The following SGO2 variants were observed in gnomAD, a reference collection of about 807,000 sequenced individuals.
The protein encoded by SGO2 is shugoshin-like 2.
In SGO2, 68 loss-of-function variants were observed where a neutral mutation model predicts 99.5. That is an observed-to-expected ratio of 0.68 (90% CI 0.56 to 0.84). The LOEUF is 0.84. Ranked by LOEUF, SGO2 falls within the 40% of genes least tolerant of loss-of-function variation. The probability of loss-of-function intolerance (pLI) is 0.00; values close to 1 mark genes in which losing one functional copy is unlikely to be tolerated. For synonymous variants in SGO2, 457 were observed against 487.1 expected, an observed-to-expected ratio of 0.94 and a Z score of 0.81; for missense variants, 1,350 against 1,436.7, an observed-to-expected ratio of 0.94 and a Z score of 0.97.
intron 5 of SGO2, among the ~76,000 whole-genome samples, chr2:200,550,359 T>G (rs1377091061): frequency 6.6e-6 from 1 of 152,066 alleles, no homozygotes; most frequent in Non-Finnish European, 1.5e-5. Context: ...TCCTAAAAAT[T>G]TATATGAACC....
chr2:200,557,404 T>C (rs2032762896), intron 5 of SGO2, among the ~76,000 whole-genome samples: 1 of 152,082 alleles, frequency 6.6e-6, no homozygotes. Flanking sequence ...AGTTGGCCAA[T>C]TGGTGCTGCA....
chr2:200,549,724 AT>A (rs749552185), intron 5 of SGO2, among the ~76,000 whole-genome samples: 165 of 152,330 alleles, frequency 1.1e-3, no homozygotes, highest in Admixed American at 2.6e-3. Context: ...AAAAACACTT[AT>A]CAAAATGGGT....
intron 8 of SGO2, among the ~76,000 whole-genome samples, chr2:200,579,995 C>A (rs1427135197): frequency 6.6e-6 from 1 of 151,876 alleles, no homozygotes; most frequent in Non-Finnish European, 1.5e-5. Flanking sequence ...AACAGTGGGA[C>A]TCTCTGGTTT....
chr2:200,549,313 C>T (rs1222462461), intron 5 of SGO2, among the ~76,000 whole-genome samples: 6 of 152,096 alleles, frequency 3.9e-5, no homozygotes, highest in Non-Finnish European at 7.4e-5. Context: ...TTGATGGATT[C>T]GCTGCTGAAT....
intron 5 of SGO2, among the ~76,000 whole-genome samples, chr2:200,562,274 T>C (rs1225626176): frequency 2.0e-5 from 3 of 152,332 alleles, no homozygotes; most frequent in South Asian, 4.1e-4. Flanking sequence ...TTTCTACATA[T>C]GGCTAGCCAG....
chr2:200,532,668 C>T (rs140926153), intron 1 of SGO2, among the ~76,000 whole-genome samples: 2 of 152,244 alleles, frequency 1.3e-5, no homozygotes, highest in Non-Finnish European at 2.9e-5. Context: ...TATGAAAACA[C>T]TGTCTGTACC....
intron 5 of SGO2, among the ~76,000 whole-genome samples, chr2:200,544,692 G>GATCTATCT (rs71022322): frequency 0.15 from 22,160 of 145,564 alleles, 1,692 homozygotes; most frequent in East Asian, 0.22. Flanking sequence ...TTACTTGGGA[G>GATCTATCT]ATCTATCTAT....
chr2:200,533,215 A>G (rs2031505244), intron 2 of SGO2, 107 bp downstream of exon 2: 2 of 1,257,730 alleles, frequency 1.6e-6, no homozygotes, highest in Non-Finnish European at 1.1e-6. Context: ...TAAAATGACC[A>G]TTTTGTTAAC....
Position 200,542,589 on chromosome 2 carries a change from G to T in SGO2, c.398G>T (p.Ser133Ile). The T allele has an allele frequency of 6.2e-7, 1 of 1,611,202 alleles. No individual in the cohort carries two copies. Among genetic ancestry groups the T allele is most frequent in the Non-Finnish European group, 8.5e-7 (1 of 1,178,672 alleles). ...TTTTTTCAAAAATAGTTCCATCAGA[G>T]TTCCTTTCTACTGTCAGCTAGCAAG... ...EMSSLSEFHQSSFLLSASKKK... is the reference protein window; with the variant it reads ...EMSSLSEFHQISFLLSASKKK... Residue 133 changes from serine (S) to isoleucine (I), a missense_variant, in exon 5 of 9, where the codon AGT becomes ATT. Coordinates refer to ENST00000357799, the MANE Select transcript of SGO2 (RefSeq NM_152524.6).
chr2:200,535,878 G>A (rs563561951), intron 3 of SGO2, among the ~76,000 whole-genome samples, 187 bp from the exon 4 acceptor site: 1 of 151,908 alleles, frequency 6.6e-6, no homozygotes, highest in African/African-American at 2.4e-5. Context: ...TGACTATTTG[G>A]ACTATATAAT....
Position 200,573,607 on chromosome 2 carries a change from T to A in SGO2, c.3261T>A (p.Asp1087Glu). 2 of 1,610,906 alleles carry A rather than the reference T, an allele frequency of 1.2e-6. No homozygotes were observed. Among genetic ancestry groups the A allele is most frequent in the Non-Finnish European group, 1.7e-6 (2 of 1,178,984 alleles). Reference protein sequence around the residue: ...SKSKKRKTSIDPSPESHEVME... With the variant: ...SKSKKRKTSIEPSPESHEVME... Reference sequence around the variant, plus strand: ...CAAAGAAAAGGAAGACCTCCATAGATCCTTCTCCAGAGAGCCATGAAGTAA... The same window carrying A: ...CAAAGAAAAGGAAGACCTCCATAGAACCTTCTCCAGAGAGCCATGAAGTAA... Residue 1087 changes from aspartate (D) to glutamate (E), a missense_variant, in exon 7 of 9, where the codon GAT (aspartate) becomes GAA (glutamate). Physicochemically the swap from Asp to Glu is conservative, Grantham distance 45 (BLOSUM62 2). Coordinates refer to ENST00000357799, the MANE Select transcript of SGO2 (RefSeq NM_152524.6).
intron 8 of SGO2, among the ~76,000 whole-genome samples, chr2:200,579,683 A>T (rs927990631): frequency 1.3e-5 from 2 of 152,166 alleles, no homozygotes; most frequent in African/African-American, 4.8e-5. Context: ...GTACCGAACT[A>T]ACCTTGCTTT....
At chr2:200,581,162 G>T (rs911770080) in intron 8 of SGO2, among the ~76,000 whole-genome samples, 1 of 152,122 alleles carries the variant, frequency 6.6e-6, no homozygotes. Context: ...TAACTGTGCT[G>T]TGATTGCTTA....
chr2:200,569,701 A>G lies in SGO2; in HGVS notation c.512A>G (p.Lys171Arg). 1 of 1,611,692 alleles carries G rather than the reference A, an allele frequency of 6.2e-7. No homozygotes were observed. Among genetic ancestry groups the G allele is most frequent in the East Asian group, 2.2e-5 (1 of 44,732 alleles). Residue 171 changes from lysine (K) to arginine (R), a missense_variant, in exon 6 of 9, where the codon AAA (lysine) becomes AGA (arginine). Lys to Arg is a conservative substitution (Grantham distance 26, BLOSUM62 2). Transcript: ENST00000357799. ...LTSNDDEDED[K>R]EKMQCDNNIK... is the part of the protein sequence containing the mutation. ...TCAAATGATGATGAAGATGAAGATA[A>G]AGAGAAAATGCAGTGTGACAACAAT...
At chr2:200,540,004 A>G (rs1303278345) in intron 4 of SGO2, among the ~76,000 whole-genome samples, 1 of 149,980 alleles carries the variant, frequency 6.7e-6, no homozygotes, top group East Asian at 1.9e-4. Flanking sequence ...TGTTGAGCCC[A>G]TTTAATTTAT....
rs1052859599 is a variant in SGO2 at position 200,561,268 on chromosome 2, C to G, written c.474-8395C>G. Among the ~76,000 whole-genome samples, 309 of 152,250 alleles carry G rather than the reference C, an allele frequency of 2.0e-3. 4 individuals carry two copies. Among genetic ancestry groups the G allele is most frequent in the Non-Finnish European group, 3.2e-4 (22 of 68,018 alleles). Reference sequence around the variant, plus strand: ...GTCCAAGTGTTCTCATTGTTCAATTCCCACCTATGAGTGAGAACATGCAGT... The same window carrying G: ...GTCCAAGTGTTCTCATTGTTCAATTGCCACCTATGAGTGAGAACATGCAGT... On this transcript the variant is annotated intron_variant, in intron 5 of 8. Transcript: ENST00000357799.
At chr2:200,564,861 T>C (rs1158167739) in intron 5 of SGO2, among the ~76,000 whole-genome samples, 1 of 152,214 alleles carries the variant, frequency 6.6e-6, no homozygotes, top group Admixed American at 6.5e-5. Context: ...AAAGTCTGTT[T>C]TATCAGAGAC....
intron 8 of SGO2, 93 bp from the exon 9 acceptor site, chr2:200,583,356 A>G: frequency 1.9e-6 from 2 of 1,038,078 alleles, no homozygotes; most frequent in Non-Finnish European, 2.8e-6. Context: ...CTTCTTTTCT[A>G]CTGATATGAT....
At chr2:200,554,323 T>A (rs1203481442) in intron 5 of SGO2, among the ~76,000 whole-genome samples, 1 of 152,188 alleles carries the variant, frequency 6.6e-6, no homozygotes, top group Non-Finnish European at 1.5e-5. Flanking sequence ...ATTGGTTCAG[T>A]CCATGCAGTT....
Sources: gnomAD v4.1 joint callset for allele counts (sites outside exome capture counted in the v4.1 genomes callset) on GRCh38, gnomAD v4.1.1 for gene constraint, MANE v1.5 for transcripts, NCBI Gene and HGNC (gene_info 2026-07-23, HGNC 2026-07-21) for gene names.